The following CTNND2 variants were observed in gnomAD, a reference collection of about 807,000 sequenced individuals.
CTNND2 encodes the protein catenin delta-2.
CTNND2 carries 22 observed loss-of-function variants against 144.4 expected under a neutral mutation model. The observed-to-expected ratio is 0.15, with a 90% CI of 0.11 to 0.22. The LOEUF (loss-of-function observed/expected upper bound fraction) is 0.22, where lower values mean the gene tolerates loss of function less well. CTNND2 is among the 10% of genes least tolerant of loss of function. CTNND2 has a pLI of 1.00. For synonymous variants in CTNND2, 751 were observed against 695.6 expected (o/e 1.08, Z -1.25); for missense variants, 1,353 against 1,618.8 (o/e 0.84, Z 2.82).
intron 1 of CTNND2, among the ~76,000 whole-genome samples, chr5:11,843,299 C>A (rs1468144890): frequency 6.7e-6 from 1 of 150,348 alleles, no homozygotes; most frequent in African/African-American, 2.5e-5. Context: ...ATTTTATTTT[C>A]TCTTTAGAGA....
intron 3 of CTNND2, among the ~76,000 whole-genome samples, chr5:11,428,157 C>G (rs967340107): frequency 2.0e-5 from 3 of 152,140 alleles, no homozygotes; most frequent in African/African-American, 7.2e-5. Flanking sequence ...AGACACAATT[C>G]AAGTTGAGAC....
chr5:11,394,067 C>T (rs1180969092), intron 6 of CTNND2, among the ~76,000 whole-genome samples: 3 of 152,134 alleles, frequency 2.0e-5, no homozygotes, highest in Non-Finnish European at 4.4e-5. Context: ...TTCCTCTTCT[C>T]CATGTCTTTG....
At chr5:11,032,404 A>C (rs1372984606) in intron 16 of CTNND2, among the ~76,000 whole-genome samples, 1 of 152,238 alleles carries the variant, frequency 6.6e-6, no homozygotes, top group South Asian at 2.1e-4. Context: ...TCATTTGCAC[A>C]CTATAAATAT....
chr5:11,624,577 G>A (rs1006346623), intron 2 of CTNND2, among the ~76,000 whole-genome samples: 3 of 152,030 alleles, frequency 2.0e-5, no homozygotes, highest in Non-Finnish European at 2.9e-5. Flanking sequence ...TTGTTAAACA[G>A]ATGTAATTTC....
At chr5:11,406,194 G>A (rs1761092989) in intron 5 of CTNND2, among the ~76,000 whole-genome samples, 1 of 152,134 alleles carries the variant, frequency 6.6e-6, no homozygotes, top group Admixed American at 6.6e-5. Flanking sequence ...ATATGATAAA[G>A]TGATTTCACA....
At position 11,379,371 on chromosome 5, in the gene CTNND2, C is replaced by T. The variant is rs184320820; in HGVS notation, c.1177+5294G>A. ...ACGTACATTTAAGACTACAGAGATT[C>T]TGGGGTCAAAGCGACGTAGGTTCAA... On this transcript the variant is annotated intron_variant, in intron 7 of 21. Coordinates refer to ENST00000304623, the MANE Select transcript of CTNND2 (RefSeq NM_001332.4). Among the ~76,000 whole-genome samples, 176 of 152,246 alleles carry T rather than the reference C, an allele frequency of 1.2e-3. 1 individual carries two copies. The highest frequency in any genetic ancestry group is 3.8e-3 in the African/African-American group (158 of 41,550).
intron 16 of CTNND2, among the ~76,000 whole-genome samples, chr5:11,078,244 T>C (rs1282976944): frequency 6.6e-6 from 1 of 152,270 alleles, no homozygotes; most frequent in African/African-American, 2.4e-5. Flanking sequence ...TATAAAGTTC[T>C]GTATAGCATT....
chr5:11,354,676 T>G (rs1755680386), intron 8 of CTNND2, among the ~76,000 whole-genome samples: 1 of 152,136 alleles, frequency 6.6e-6, no homozygotes, highest in Non-Finnish European at 1.5e-5. Flanking sequence ...CAACCCCCCT[T>G]TAAGTGTGGA....
intron 9 of CTNND2, among the ~76,000 whole-genome samples, chr5:11,304,093 T>C (rs528420677): frequency 2.9e-4 from 44 of 152,186 alleles, no homozygotes; most frequent in East Asian, 3.9e-4. Flanking sequence ...GTCCATTAAA[T>C]CTCTTTTTCT....
At chr5:11,304,965 CTTGCT>C (rs1750033485) in intron 9 of CTNND2, among the ~76,000 whole-genome samples, 1 of 152,068 alleles carries the variant, frequency 6.6e-6, no homozygotes, top group South Asian at 2.1e-4. Context: ...TGCTTGCTTG[CTTGCT>C]TGCTGAATGA....
chr5:11,240,896 C>T (rs374901130), intron 9 of CTNND2, among the ~76,000 whole-genome samples: 1 of 147,676 alleles, frequency 6.8e-6, no homozygotes, highest in Admixed American at 6.8e-5. Context: ...ACACCCAAAA[C>T]ACATACACTC....
At chr5:11,687,161 C>T (rs950400280) in intron 2 of CTNND2, among the ~76,000 whole-genome samples, 1 of 152,196 alleles carries the variant, frequency 6.6e-6, no homozygotes, top group Non-Finnish European at 1.5e-5. Context: ...CATACTGATT[C>T]TCTTCAATTT....
At chr5:11,229,811 A>G (rs771992438) in intron 10 of CTNND2, among the ~76,000 whole-genome samples, 22 of 151,874 alleles carry the variant, frequency 1.4e-4, no homozygotes, top group Non-Finnish European at 1.8e-4. Context: ...ACATACACAC[A>G]TATATATACA....
At chr5:11,372,102 G>A (rs981375420) in intron 7 of CTNND2, among the ~76,000 whole-genome samples, 3 of 152,142 alleles carry the variant, frequency 2.0e-5, no homozygotes, top group Admixed American at 6.5e-5. Context: ...TGCTGATGAG[G>A]TTTTCCGATA....
intron 15 of CTNND2, among the ~76,000 whole-genome samples, chr5:11,098,174 A>G (rs1561298731): frequency 6.6e-6 from 1 of 152,148 alleles, no homozygotes; most frequent in African/African-American, 2.4e-5. Flanking sequence ...GACCCGGTAC[A>G]TTTTAAGTGT....
chr5:11,418,584 G>C (rs1253580440), intron 3 of CTNND2, among the ~76,000 whole-genome samples: 1 of 152,160 alleles, frequency 6.6e-6, no homozygotes, highest in Non-Finnish European at 1.5e-5. Context: ...AGCCACCAGA[G>C]AAATCAGCAG....
chr5:11,367,716 T>A (rs1757111021), intron 7 of CTNND2, among the ~76,000 whole-genome samples: 1 of 152,218 alleles, frequency 6.6e-6, no homozygotes. Context: ...TTGCCAATTA[T>A]GCTGGTGCAG....
intron 9 of CTNND2, among the ~76,000 whole-genome samples, chr5:11,273,602 G>A (rs533914510): frequency 1.8e-4 from 27 of 152,132 alleles, no homozygotes; most frequent in African/African-American, 5.6e-4. Flanking sequence ...TCATGGGACC[G>A]TGTGCAGCTC....
intron 12 of CTNND2, among the ~76,000 whole-genome samples, chr5:11,133,853 T>C (rs1011397277): frequency 3.3e-5 from 5 of 152,198 alleles, no homozygotes; most frequent in Non-Finnish European, 4.4e-5. Context: ...AGTACCGATA[T>C]AGTCTGTCTG....
Sources: allele counts gnomAD v4.1 joint callset (sites outside exome capture counted in the v4.1 genomes callset), GRCh38; gene constraint gnomAD v4.1.1; transcripts MANE v1.5; gene names NCBI Gene and HGNC (gene_info 2026-07-23, HGNC 2026-07-21).